Variants in TMEM45A observed in about 807,000 individuals in gnomAD.
TMEM45A encodes DNA polymerase-transactivated protein 4.
A neutral mutation model predicts 32.0 loss-of-function variants in TMEM45A; 25 were observed. That is an observed-to-expected ratio of 0.78 (90% CI 0.57 to 1.09). The LOEUF (loss-of-function observed/expected upper bound fraction) is 1.09, where lower values mean the gene tolerates loss of function less well. Ranked by LOEUF, TMEM45A falls within the 50% of genes least tolerant of loss-of-function variation. TMEM45A has a pLI of 0.00. For synonymous variants in TMEM45A, 122 were observed against 114.8 expected, an observed-to-expected ratio of 1.06 and a Z score of -0.40; for missense variants, 302 against 325.0, an observed-to-expected ratio of 0.93 and a Z score of 0.54.
At chr3:100,576,622 A>T (rs548157556) in intron 5 of TMEM45A, among the ~76,000 whole-genome samples, 35 of 150,416 alleles carry the variant, frequency 2.3e-4, no homozygotes, top group African/African-American at 8.0e-4. Context: ...TCTGTCTCAT[A>T]AAAAAAAATA....
chr3:100,493,800 C>T (rs867929635), intron 1 of TMEM45A, among the ~76,000 whole-genome samples: 4 of 152,140 alleles, frequency 2.6e-5, no homozygotes, highest in Non-Finnish European at 4.4e-5. Flanking sequence ...GGCACGATCT[C>T]GGCTTACTGG....
intron 1 of TMEM45A, among the ~76,000 whole-genome samples, chr3:100,539,849 T>G (rs1414469462): frequency 6.6e-6 from 1 of 152,194 alleles, no homozygotes; most frequent in Non-Finnish European, 1.5e-5. Context: ...TTTTACCTGC[T>G]GCCTGTGCAT....
intron 1 of TMEM45A, among the ~76,000 whole-genome samples, chr3:100,517,566 C>T (rs1283393661): frequency 1.3e-5 from 2 of 152,214 alleles, no homozygotes; most frequent in Non-Finnish European, 2.9e-5. Flanking sequence ...GAAATATCCT[C>T]TTTCTCACTG....
At chr3:100,505,183 T>G (rs1205119509) in intron 1 of TMEM45A, among the ~76,000 whole-genome samples, 1 of 152,190 alleles carries the variant, frequency 6.6e-6, no homozygotes, top group Non-Finnish European at 1.5e-5. Flanking sequence ...TAGTGCTTGC[T>G]GCCCAGAGAG....
At chr3:100,512,652 C>T (rs1277969426) in intron 1 of TMEM45A, among the ~76,000 whole-genome samples, 9 of 149,446 alleles carry the variant, frequency 6.0e-5, no homozygotes, top group African/African-American at 2.0e-4. Flanking sequence ...AATAGAGACA[C>T]AAAAAACCCT....
In TMEM45A at chr3:100,577,231, C is replaced by A; in HGVS notation, c.*213C>A. On this transcript the variant is annotated 3_prime_UTR_variant, in exon 6 of 6. Coordinates refer to ENST00000323523, the MANE Select transcript of TMEM45A (RefSeq NM_018004.3). ...TGATACTTTCATTTTGCACATCATG[C>A]ACATCATGGTATTCAGGGGCTAGAG... 1 of 450,804 alleles carries A rather than the reference C, an allele frequency of 2.2e-6. No homozygotes were observed. The highest frequency in any genetic ancestry group is 2.6e-5 in the South Asian group (1 of 38,350). The allele number at this position is 450,804 out of a possible 1,614,324, so 27.9% of individuals were successfully genotyped here.
At chr3:100,504,386 G>T (rs1404623332) in intron 1 of TMEM45A, among the ~76,000 whole-genome samples, 3 of 152,120 alleles carry the variant, frequency 2.0e-5, no homozygotes, top group Admixed American at 2.0e-4. Flanking sequence ...TGGTCCACAG[G>T]GTGTGGTTGA....
chr3:100,506,255 A>G (rs966543929), intron 1 of TMEM45A, among the ~76,000 whole-genome samples: 3 of 152,238 alleles, frequency 2.0e-5, no homozygotes, highest in Non-Finnish European at 4.4e-5. Flanking sequence ...GCACTGCTCC[A>G]TATTTGCCTA....
intron 1 of TMEM45A, among the ~76,000 whole-genome samples, chr3:100,503,629 A>G (rs1213548020): frequency 6.6e-6 from 1 of 152,248 alleles, no homozygotes; most frequent in African/African-American, 2.4e-5. Flanking sequence ...AATGTAAGAT[A>G]CTTTGCAGAA....
intron 1 of TMEM45A, among the ~76,000 whole-genome samples, chr3:100,513,655 G>A (rs1320308754): frequency 2.0e-5 from 3 of 150,390 alleles, no homozygotes; most frequent in Admixed American, 6.6e-5. Flanking sequence ...GAAATAAAGG[G>A]TATTCAATTA....
In TMEM45A at chr3:100,558,391, T is replaced by A. The variant is rs775207872; in HGVS notation, c.404-14T>A. On this transcript the variant is annotated splice_polypyrimidine_tract_variant and intron_variant, in intron 3 of 5. Transcript: ENST00000323523. ...GGTTCCACTGAAAAAGACAATCTGT[T>A]TTTTCCCCATCAGCCTTTATCTTCT... 6.2e-7 allele frequency: 1 copy of A among 1,612,268 alleles called. No homozygotes were observed. The highest frequency in any genetic ancestry group is 1.1e-5 in the South Asian group (1 of 91,002).
At chr3:100,554,203 A>G (rs892829821) in intron 1 of TMEM45A, among the ~76,000 whole-genome samples, 5 of 152,152 alleles carry the variant, frequency 3.3e-5, no homozygotes, top group African/African-American at 1.2e-4. Flanking sequence ...GCAGGGACCA[A>G]AAATGGAGGG....
intron 4 of TMEM45A, among the ~76,000 whole-genome samples, chr3:100,563,305 A>G (rs900879769): frequency 1.3e-5 from 2 of 152,270 alleles, no homozygotes; most frequent in African/African-American, 4.8e-5. Context: ...CTAATCCAGT[A>G]TGACTTCACC....
At chr3:100,575,620 C>T (rs1373015539) in intron 5 of TMEM45A, among the ~76,000 whole-genome samples, 1 of 152,202 alleles carries the variant, frequency 6.6e-6, no homozygotes. Context: ...GATCTGCCCG[C>T]CTTGCCTCCC....
chr3:100,556,256 T>C (rs9844035), intron 2 of TMEM45A, among the ~76,000 whole-genome samples: 23,604 of 152,208 alleles, frequency 0.16, 6,162 homozygotes, highest in African/African-American at 0.54. Context: ...GTTGGGATTA[T>C]AGGTGTGAGC....
At position 100,492,793 on chromosome 3, in the gene TMEM45A, T is replaced by C. The variant is rs1707866138; in HGVS notation, c.-139T>C. The stretch of plus-strand genomic sequence containing the variant: ...CAATGCGAGACGTGGCCAGATCCCA[T>C]CCAACACACGGTTTAATTTTCATGG... On this transcript the variant is annotated 5_prime_UTR_variant, in exon 1 of 6. Coordinates refer to ENST00000323523, the MANE Select transcript of TMEM45A (RefSeq NM_018004.3). The C allele has an allele frequency of 7.2e-6, 1 of 137,976 alleles. No individual in the cohort carries two copies. Among genetic ancestry groups the C allele is most frequent in the Non-Finnish European group, 1.5e-5 (1 of 65,380 alleles). 8.5% of individuals were successfully genotyped at this position (137,976 alleles called of 1,614,324 possible).
intron 1 of TMEM45A, among the ~76,000 whole-genome samples, chr3:100,538,360 A>G (rs956205188): frequency 3.0e-5 from 4 of 131,578 alleles, no homozygotes; most frequent in Non-Finnish European, 7.1e-5. Context: ...GATAAGTTAA[A>G]CACAAAACAA....
At chr3:100,555,726 A>C (rs1022285887) in intron 2 of TMEM45A, among the ~76,000 whole-genome samples, 1 of 152,174 alleles carries the variant, frequency 6.6e-6, no homozygotes, top group Admixed American at 6.5e-5. Flanking sequence ...GATTCAATGA[A>C]AATGTTCTGT....
intron 1 of TMEM45A, among the ~76,000 whole-genome samples, chr3:100,503,759 G>C (rs968553805): frequency 6.6e-6 from 1 of 152,120 alleles, no homozygotes; most frequent in Non-Finnish European, 1.5e-5. Flanking sequence ...GCTTCTTCTT[G>C]TTTTACCCTC....
Sources: allele counts gnomAD v4.1 joint callset (sites outside exome capture counted in the v4.1 genomes callset), GRCh38; gene constraint gnomAD v4.1.1; transcripts MANE v1.5; gene names NCBI Gene and HGNC (gene_info 2026-07-23, HGNC 2026-07-21).